The following MAGI2 variants were observed in gnomAD, a reference collection of about 807,000 sequenced individuals.
MAGI2 encodes membrane associated guanylate kinase, WW and PDZ domain containing 2.
MAGI2 carries 35 observed loss-of-function variants against 133.3 expected under a neutral mutation model. That is an observed-to-expected ratio of 0.26 (90% CI 0.20 to 0.35). MAGI2 has a LOEUF of 0.35. MAGI2 is among the 10% of genes least tolerant of loss of function. The pLI, the probability that MAGI2 is intolerant of heterozygous loss-of-function variation, is 1.00. For synonymous variants in MAGI2, 729 were observed against 710.6 expected (o/e 1.03, Z -0.41); for missense variants, 1,636 against 1,863.4 (o/e 0.88, Z 2.25).
At chr7:79,149,895 A>G (rs1585050475) in intron 1 of MAGI2, among the ~76,000 whole-genome samples, 1 of 152,250 alleles carries the variant, frequency 6.6e-6, no homozygotes, top group Non-Finnish European at 1.5e-5. Context: ...TGAAATTAGG[A>G]AAGACTTTAG....
chr7:78,137,283 T>A (rs1008271274), intron 16 of MAGI2, among the ~76,000 whole-genome samples: 3 of 152,194 alleles, frequency 2.0e-5, no homozygotes, highest in African/African-American at 7.2e-5. Flanking sequence ...CTCTGCAAAA[T>A]TACCTAACTT....
At chr7:79,325,119 CA>C (rs1839590289) in intron 1 of MAGI2, among the ~76,000 whole-genome samples, 1 of 152,128 alleles carries the variant, frequency 6.6e-6, no homozygotes, top group South Asian at 2.1e-4. Flanking sequence ...TCAGCAACTT[CA>C]GATGCTAAGC....
At chr7:78,483,187 A>G (rs942477809) in intron 6 of MAGI2, among the ~76,000 whole-genome samples, 1 of 151,882 alleles carries the variant, frequency 6.6e-6, no homozygotes, top group Middle Eastern at 3.2e-3. Context: ...ATTTATAATT[A>G]TTTCAAAATT....
chr7:78,448,066 C>G (rs1788336794), intron 6 of MAGI2, among the ~76,000 whole-genome samples: 1 of 152,092 alleles, frequency 6.6e-6, no homozygotes, highest in Non-Finnish European at 1.5e-5. Context: ...ATAATGCCCT[C>G]CAGTTCATCC....
At chr7:79,224,657 T>C (rs1830696265) in intron 1 of MAGI2, among the ~76,000 whole-genome samples, 3 of 152,146 alleles carry the variant, frequency 2.0e-5, no homozygotes, top group Admixed American at 2.0e-4. Context: ...AAACTACTGA[T>C]ATATGCAACA....
chr7:78,052,086 G>T (rs1812068087), intron 21 of MAGI2, among the ~76,000 whole-genome samples: 1 of 152,032 alleles, frequency 6.6e-6, no homozygotes, highest in East Asian at 1.9e-4. Context: ...GCCCAGACTG[G>T]TCTTGAATTC....
intron 9 of MAGI2, among the ~76,000 whole-genome samples, chr7:78,290,398 T>G (rs1046443136): frequency 1.7e-4 from 26 of 152,210 alleles, no homozygotes; most frequent in Non-Finnish European, 3.2e-4. Flanking sequence ...AAGAGCTAAC[T>G]ATCCTAAATA....
chr7:79,210,346 G>A (rs1829404578), intron 1 of MAGI2, among the ~76,000 whole-genome samples: 1 of 151,952 alleles, frequency 6.6e-6, no homozygotes. Flanking sequence ...ATTATAACAT[G>A]CATACTTTCT....
chr7:78,186,648 T>C (rs1045428801), intron 12 of MAGI2, among the ~76,000 whole-genome samples: 2 of 152,148 alleles, frequency 1.3e-5, no homozygotes, highest in Admixed American at 6.6e-5. Flanking sequence ...ATTCCACAGA[T>C]GGTTAAGACC....
intron 2 of MAGI2, among the ~76,000 whole-genome samples, chr7:78,799,093 G>T (rs1190249524): frequency 6.6e-6 from 1 of 152,086 alleles, no homozygotes; most frequent in South Asian, 2.1e-4. Flanking sequence ...TTCTTTCTTT[G>T]GTCAGGACAG....
intron 9 of MAGI2, among the ~76,000 whole-genome samples, chr7:78,257,632 G>A (rs1554307693): frequency 6.6e-6 from 1 of 152,004 alleles, no homozygotes; most frequent in Non-Finnish European, 1.5e-5. Context: ...TGAGATAAAT[G>A]TTTTTTTAAA....
chr7:78,149,360 G>A (rs769393997), intron 16 of MAGI2, among the ~76,000 whole-genome samples: 2 of 152,170 alleles, frequency 1.3e-5, no homozygotes, highest in Admixed American at 1.3e-4. Flanking sequence ...TTGCTCAAGA[G>A]TGACAAATAT....
At chr7:78,858,453 C>A (rs1386802318) in intron 2 of MAGI2, among the ~76,000 whole-genome samples, 1 of 152,156 alleles carries the variant, frequency 6.6e-6, no homozygotes, top group Non-Finnish European at 1.5e-5. Flanking sequence ...TATGTTGTGT[C>A]TTTGTTCTCA....
At chr7:78,498,138 A>C (rs1258637464) in intron 5 of MAGI2, among the ~76,000 whole-genome samples, 1 of 152,240 alleles carries the variant, frequency 6.6e-6, no homozygotes, top group South Asian at 2.1e-4. Flanking sequence ...AGTAGATTTT[A>C]AGTGTTCTCA....
intron 6 of MAGI2, chr7:78,485,852 T>A (rs1792943071): frequency 6.6e-6 from 1 of 152,070 alleles, no homozygotes; most frequent in Admixed American, 6.6e-5. Flanking sequence ...TGTACAATTT[T>A]AAAATTACTG....
intron 2 of MAGI2, among the ~76,000 whole-genome samples, chr7:78,939,424 A>C (rs915875832): frequency 2.6e-5 from 4 of 152,150 alleles, no homozygotes; most frequent in African/African-American, 9.7e-5. Flanking sequence ...TAACATAAGG[A>C]TTAGCATGGA....
intron 9 of MAGI2, among the ~76,000 whole-genome samples, chr7:78,276,141 T>C (rs1430433890): frequency 6.6e-6 from 1 of 152,168 alleles, no homozygotes; most frequent in Non-Finnish European, 1.5e-5. Flanking sequence ...AGTCAGCAGA[T>C]CATAAATATT....
chr7:78,210,156 T>C (rs1463338116), intron 10 of MAGI2, among the ~76,000 whole-genome samples: 1 of 152,232 alleles, frequency 6.6e-6, no homozygotes, highest in African/African-American at 2.4e-5. Context: ...TAGTTTAATG[T>C]CCATCTCCCC....
At chr7:78,587,895 T>G (rs746710530) in intron 3 of MAGI2, among the ~76,000 whole-genome samples, 8 of 152,194 alleles carry the variant, frequency 5.3e-5, no homozygotes, top group Non-Finnish European at 8.8e-5. Context: ...TTACATTGGT[T>G]ACAGATGAAC....
Sources: allele counts gnomAD v4.1 joint callset (sites outside exome capture counted in the v4.1 genomes callset), GRCh38; gene constraint gnomAD v4.1.1; transcripts MANE v1.5; gene names NCBI Gene and HGNC (gene_info 2026-07-23, HGNC 2026-07-21).